Variants in IL1F10 observed in about 807,000 individuals in gnomAD.
The protein encoded by IL1F10 is interleukin 1 family member 10.
IL1F10 carries 13 observed loss-of-function variants against 13.1 expected under a neutral mutation model. The ratio of observed to expected loss-of-function variants is 0.99; its 90% CI spans 0.64 to 1.57. The LOEUF (loss-of-function observed/expected upper bound fraction) is 1.57, where lower values mean the gene tolerates loss of function less well. Among genes scored for constraint, IL1F10 ranks in the 40% most tolerant of loss-of-function variants. The pLI is 0.00. For synonymous variants in IL1F10, 78 were observed against 68.2 expected (o/e 1.14, Z -0.71); for missense variants, 191 against 184.1 (o/e 1.04, Z -0.22).
At chr2:113,074,241 G>A in intron 2 of IL1F10, 88 bp from the exon 3 acceptor site, 1 of 820,382 alleles carries the variant, frequency 1.2e-6, no homozygotes, top group Non-Finnish European at 2.1e-6. Flanking sequence ...AATGCTCAAG[G>A]TGGTGATTCA....
At chr2:113,073,610 A>G (rs1277413220) in intron 2 of IL1F10, among the ~76,000 whole-genome samples, 2 of 152,180 alleles carry the variant, frequency 1.3e-5, no homozygotes, top group Non-Finnish European at 2.9e-5. Context: ...GCCAGATAAC[A>G]CGCCCAGGAT....
At chr2:113,075,031 G>A in intron 4 of IL1F10, 121 bp from the exon 5 acceptor site, 1 of 1,239,052 alleles carries the variant, frequency 8.1e-7, no homozygotes, top group Non-Finnish European at 1.1e-6. Context: ...ATCTGCAGAA[G>A]GCAGTCCCTT....
At chr2:113,073,178 G>A (rs1685869630) in intron 2 of IL1F10, among the ~76,000 whole-genome samples, 1 of 152,156 alleles carries the variant, frequency 6.6e-6, no homozygotes, top group Admixed American at 6.5e-5. Context: ...TCTTGATGGT[G>A]GTCCCTGTGG....
chr2:113,068,410 G>A (rs1320655307), intron 1 of IL1F10, among the ~76,000 whole-genome samples: 1 of 151,534 alleles, frequency 6.6e-6, no homozygotes, highest in Non-Finnish European at 1.5e-5. Context: ...AATACTAGCA[G>A]GGTTCCAAAG....
chr2:113,075,443 T>A lies in IL1F10; in HGVS notation c.*79T>A. 5 of 1,050,156 alleles carry A rather than the reference T, an allele frequency of 4.8e-6. No homozygotes were observed. Among genetic ancestry groups the A allele is most frequent in the Non-Finnish European group, 6.9e-6 (5 of 720,066 alleles). 65.1% of individuals were successfully genotyped at this position (1,050,156 alleles called of 1,614,324 possible). On this transcript the variant is annotated 3_prime_UTR_variant, in exon 5 of 5. Transcript: ENST00000341010. ...TCAGGGTCTATGGTAGGCAGAATAA[T>A]GTCCCCCGAAATATGTCCACATCCT...
At position 113,074,383 on chromosome 2, in the gene IL1F10, G is replaced by A; in HGVS notation, c.87G>A (p.Val29=). 1 of 1,613,846 alleles carries A rather than the reference G, an allele frequency of 6.2e-7. No individual in the cohort carries two copies. The highest frequency in any genetic ancestry group is 8.5e-7 in the Non-Finnish European group (1 of 1,179,786). Residue 29 remains valine, a synonymous_variant, in exon 3 of 5, where the codon GTG becomes GTA. Coordinates refer to ENST00000341010, the MANE Select transcript of IL1F10 (RefSeq NM_173161.3). ...ALYTRDGQLL[V]GDPVADNCCA... ...ACACAAGAGATGGCCAGCTGCTGGT[G>A]GGAGATCCTGTTGCAGACAACTGCT... is the stretch of plus-strand genomic sequence containing the variant.
intron 1 of IL1F10, among the ~76,000 whole-genome samples, chr2:113,069,612 T>G (rs1685797538): frequency 6.6e-6 from 1 of 152,192 alleles, no homozygotes; most frequent in Non-Finnish European, 1.5e-5. Context: ...TATATTTGGT[T>G]GGATATCAGC....
intron 1 of IL1F10, 30 bp from the exon 2 acceptor site, chr2:113,072,681 T>C: frequency 3.9e-6 from 6 of 1,532,822 alleles, no homozygotes; most frequent in Non-Finnish European, 5.4e-6. Context: ...CAGCCTCCTT[T>C]TCTAACTGCC....
At chr2:113,068,364 T>TGGTAGCTCCTC (rs1685780099) in intron 1 of IL1F10, among the ~76,000 whole-genome samples, 1 of 150,800 alleles carries the variant, frequency 6.6e-6, no homozygotes, top group Non-Finnish European at 1.5e-5. Flanking sequence ...TTGTGCTCCT[T>TGGTAGCTCCTC]GGTAGCTCCT....
chr2:113,068,880 A>T (rs1263066992), intron 1 of IL1F10, among the ~76,000 whole-genome samples: 1 of 152,252 alleles, frequency 6.6e-6, no homozygotes, highest in Non-Finnish European at 1.5e-5. Flanking sequence ...TCATGGAATT[A>T]TAAATAGTTT....
chr2:113,071,863 C>T (rs534891203), intron 1 of IL1F10, among the ~76,000 whole-genome samples: 31 of 152,288 alleles, frequency 2.0e-4, no homozygotes, highest in African/African-American at 4.3e-4. Context: ...CAGATCTACT[C>T]GGTAAACCTC....
At chr2:113,074,262 G>C in intron 2 of IL1F10, 67 bp from the exon 3 acceptor site, 1 of 996,190 alleles carries the variant, frequency 1.0e-6, no homozygotes, top group African/African-American at 1.6e-5. Context: ...GAGCATGGAA[G>C]TGGAAGGGCT....
rs2105077975 is a variant in IL1F10 at position 113,072,752 on chromosome 2, C to T, written c.14C>T (p.Pro5Leu). MCSL[P>L]MARYYIIKYA... ...CTGATTGCAGGAATGTGTTCCCTCCCCATGGCAAGATACTACATGTAAGTT... is the reference window on the plus strand; with the variant it reads ...CTGATTGCAGGAATGTGTTCCCTCCTCATGGCAAGATACTACATGTAAGTT... The change falls in exon 2 of 5, where the codon CCC (proline) becomes CTC (leucine). Residue 5 changes from proline (P) to leucine (L), a missense_variant. Pro to Leu is a moderately conservative substitution (Grantham distance 98, BLOSUM62 -3). Coordinates refer to ENST00000341010, the MANE Select transcript of IL1F10 (RefSeq NM_173161.3). The T allele has an allele frequency of 1.2e-6, 2 of 1,613,432 alleles. No homozygotes were observed. Among genetic ancestry groups the T allele is most frequent in the South Asian group, 2.2e-5 (2 of 90,832 alleles).
intron 1 of IL1F10, among the ~76,000 whole-genome samples, chr2:113,068,232 T>C (rs1267473671): frequency 6.6e-6 from 1 of 152,170 alleles, no homozygotes; most frequent in Non-Finnish European, 1.5e-5. Context: ...AATCAAGATT[T>C]CTGAACTACT....
intron 1 of IL1F10, among the ~76,000 whole-genome samples, chr2:113,070,211 G>T (rs527755365): frequency 6.6e-6 from 1 of 152,086 alleles, no homozygotes; most frequent in East Asian, 1.9e-4. Flanking sequence ...CACTGGGAGG[G>T]GCTTGGCACA....
intron 1 of IL1F10, 41 bp from the exon 2 acceptor site, chr2:113,072,670 C>G: frequency 7.0e-7 from 1 of 1,438,684 alleles, no homozygotes; most frequent in South Asian, 1.2e-5. Context: ...CTGGCTTCAC[C>G]CAGCCTCCTT....
intron 1 of IL1F10, among the ~76,000 whole-genome samples, chr2:113,071,471 T>C (rs1036474039): frequency 1.3e-5 from 2 of 152,228 alleles, no homozygotes; most frequent in African/African-American, 4.8e-5. Context: ...TACAGAATGC[T>C]TTAAGACTTT....
intron 1 of IL1F10, among the ~76,000 whole-genome samples, chr2:113,071,786 T>C (rs1187830767): frequency 2.0e-5 from 3 of 152,156 alleles, no homozygotes; most frequent in Non-Finnish European, 4.4e-5. Flanking sequence ...CCTTCTTCCT[T>C]TCTCTTCTCT....
At position 113,075,539 on chromosome 2, in the gene IL1F10, T is replaced by A. The variant is rs1162024188; in HGVS notation, c.*175T>A. On this transcript the variant is annotated 3_prime_UTR_variant, in exon 5 of 5. Transcript: ENST00000341010. ...TTTGCAAATGTGATTATGTTAAGGATCTTGAAATGAGGAGACAATCCTGGG... is the reference window on the plus strand; with the variant it reads ...TTTGCAAATGTGATTATGTTAAGGAACTTGAAATGAGGAGACAATCCTGGG... The A allele has an allele frequency of 4.5e-6, 2 of 449,060 alleles. No homozygotes were observed. Among genetic ancestry groups the A allele is most frequent in the African/African-American group, 4.0e-5 (2 of 50,044 alleles). The allele number at this position is 449,060 out of a possible 1,614,324, so 27.8% of individuals were successfully genotyped here.
Sources: gnomAD v4.1 joint callset for allele counts (sites outside exome capture counted in the v4.1 genomes callset) on GRCh38, gnomAD v4.1.1 for gene constraint, MANE v1.5 for transcripts, NCBI Gene and HGNC (gene_info 2026-07-23, HGNC 2026-07-21) for gene names.